COL4A2: variants seen among roughly 807,000 people sequenced by gnomAD.
COL4A2 encodes collagen type IV alpha 2 chain, also known as collagen alpha-2(IV) chain.
A neutral mutation model predicts 200.2 loss-of-function variants in COL4A2; 99 were observed. The ratio of observed to expected loss-of-function variants is 0.49; its 90% CI spans 0.42 to 0.58. The LOEUF is 0.58. Ranked by LOEUF, COL4A2 falls within the 20% of genes least tolerant of loss-of-function variation. The probability of loss-of-function intolerance (pLI) is 0.00; values close to 1 mark genes in which losing one functional copy is unlikely to be tolerated. For synonymous variants in COL4A2, 897 were observed against 900.6 expected (o/e 1.00, Z 0.07); for missense variants, 1,950 against 2,314.1 (o/e 0.84, Z 3.23).
At chr13:110,311,481 G>A (rs748968309) in intron 3 of COL4A2, among the ~76,000 whole-genome samples, 28 of 152,118 alleles carry the variant, frequency 1.8e-4, no homozygotes, top group Non-Finnish European at 2.4e-4. Flanking sequence ...GCGGACATTC[G>A]CCAAGCCTCT....
intron 3 of COL4A2, among the ~76,000 whole-genome samples, chr13:110,329,269 C>A (rs1440182837): frequency 6.6e-6 from 1 of 152,212 alleles, no homozygotes; most frequent in Non-Finnish European, 1.5e-5. Flanking sequence ...ATCACTCTTA[C>A]ATTCCCGGTA....
intron 47 of COL4A2, among the ~76,000 whole-genome samples, chr13:110,511,367 C>A (rs918919674): frequency 7.9e-5 from 12 of 151,670 alleles, no homozygotes; most frequent in African/African-American, 2.9e-4. Flanking sequence ...TGTGAAAAAT[C>A]AGCAAGTACA....
At chr13:110,389,184 G>A (rs962200716) in intron 4 of COL4A2, among the ~76,000 whole-genome samples, 4 of 152,180 alleles carry the variant, frequency 2.6e-5, no homozygotes, top group South Asian at 2.1e-4. Flanking sequence ...TGGTGGCAGC[G>A]CTGGCAGCAT....
chr13:110,487,835 C>T (rs753667044), intron 34 of COL4A2, among the ~76,000 whole-genome samples: 22 of 152,208 alleles, frequency 1.4e-4, no homozygotes, highest in Non-Finnish European at 2.6e-4. Context: ...AGAGTGCTGA[C>T]AGTGTTCTGT....
In COL4A2 at chr13:110,488,462, A is replaced by T. The variant is rs150044175; in HGVS notation, c.3208-983A>T. Among the ~76,000 whole-genome samples, 489 of 152,220 alleles carry T rather than the reference A, an allele frequency of 3.2e-3. 1 individual carries two copies. The highest frequency in any genetic ancestry group is 0.011 in the African/African-American group (449 of 41,520). The stretch of plus-strand genomic sequence containing the variant: ...GGAGGAAGCCACTCTGGAGGGGAAA[A>T]CTAGGGCTTCCAGGAAGCCACCGAG... On this transcript the variant is annotated intron_variant, in intron 34 of 47. Transcript: ENST00000360467.
At chr13:110,321,646 A>G (rs1418967576) in intron 3 of COL4A2, among the ~76,000 whole-genome samples, 2 of 152,232 alleles carry the variant, frequency 1.3e-5, no homozygotes, top group Non-Finnish European at 2.9e-5. Context: ...TGTTCATGCT[A>G]CTGATAAAGA....
At chr13:110,438,143 G>C (rs1011098519) in intron 14 of COL4A2, 106 bp downstream of exon 14, 16 of 825,700 alleles carry the variant, frequency 1.9e-5, no homozygotes, top group Non-Finnish European at 2.6e-5. Flanking sequence ...CACACCGCCA[G>C]TCTCTCATCC....
At chr13:110,353,564 A>G (rs898169934) in intron 3 of COL4A2, among the ~76,000 whole-genome samples, 1 of 152,194 alleles carries the variant, frequency 6.6e-6, no homozygotes, top group African/African-American at 2.4e-5. Context: ...TCAGAGACCC[A>G]TGTCTTCTCA....
chr13:110,499,039 G>A (rs1397735393), intron 40 of COL4A2, among the ~76,000 whole-genome samples: 3 of 152,244 alleles, frequency 2.0e-5, no homozygotes, highest in Non-Finnish European at 4.4e-5. Context: ...TGGCATATGA[G>A]GCCACTGCCT....
chr13:110,485,941 GC>G, intron 34 of COL4A2, 105 bp downstream of exon 34: 1 of 1,517,774 alleles, frequency 6.6e-7, no homozygotes, highest in Non-Finnish European at 8.8e-7. Flanking sequence ...AGTGTCAGTG[GC>G]AGGTTCAGGG....
At chr13:110,397,563 G>A (rs1879223739) in intron 4 of COL4A2, among the ~76,000 whole-genome samples, 2 of 152,190 alleles carry the variant, frequency 1.3e-5, no homozygotes, top group Non-Finnish European at 2.9e-5. Context: ...CAAGGCAGAC[G>A]TTTTTGGAGT....
chr13:110,384,318 G>A lies in COL4A2; in HGVS notation c.180+26766G>A, dbSNP rs148723474. ...CTTCTTAATTACTTAAGGGAATTTC[G>A]ACACCTTATTAAAACAGAGGAAGTC... On this transcript the variant is annotated intron_variant, in intron 4 of 47. Coordinates refer to ENST00000360467, the MANE Select transcript of COL4A2 (RefSeq NM_001846.4). Among the ~76,000 whole-genome samples, 1,253 of 152,164 alleles carry A rather than the reference G, an allele frequency of 8.2e-3. 13 individuals carry two copies. Among genetic ancestry groups the A allele is most frequent in the Middle Eastern group, 0.051 (15 of 294 alleles).
At chr13:110,321,697 A>G (rs547425958) in intron 3 of COL4A2, among the ~76,000 whole-genome samples, 1 of 152,384 alleles carries the variant, frequency 6.6e-6, no homozygotes, top group South Asian at 2.1e-4. Context: ...AAGAGGTTTA[A>G]TCAACTTACA....
chr13:110,393,904 C>T (rs1879089083), intron 4 of COL4A2, among the ~76,000 whole-genome samples: 1 of 152,090 alleles, frequency 6.6e-6, no homozygotes, highest in South Asian at 2.1e-4. Flanking sequence ...TTACATGACT[C>T]AGATACAATG....
At chr13:110,459,783 A>C (rs1197508560) in intron 22 of COL4A2, 1 of 152,208 alleles carries the variant, frequency 6.6e-6, no homozygotes, top group African/African-American at 2.4e-5. Context: ...GACATTATTT[A>C]TTTATCGAAC....
intron 4 of COL4A2, among the ~76,000 whole-genome samples, chr13:110,373,816 GTT>G (rs1262972431): frequency 1.3e-5 from 2 of 152,236 alleles, no homozygotes; most frequent in Non-Finnish European, 2.9e-5. Context: ...CCGCCTCTGT[GTT>G]TTCCTTATCC....
At chr13:110,469,714 G>A (rs1240506391) in intron 28 of COL4A2, among the ~76,000 whole-genome samples, 1 of 152,128 alleles carries the variant, frequency 6.6e-6, no homozygotes, top group African/African-American at 2.4e-5. Flanking sequence ...GGCTGCAAGA[G>A]CTTAAGGCAT....
At chr13:110,439,907 G>C in intron 16 of COL4A2, 74 bp downstream of exon 16, 1 of 1,543,144 alleles carries the variant, frequency 6.5e-7, no homozygotes, top group Non-Finnish European at 8.7e-7. Context: ...ATAGGCCTTG[G>C]CATCTCAGGA....
intron 4 of COL4A2, among the ~76,000 whole-genome samples, chr13:110,400,124 A>G (rs1033630773): frequency 1.3e-5 from 2 of 152,142 alleles, no homozygotes; most frequent in African/African-American, 4.8e-5. Context: ...GCCAGCCTAG[A>G]TAGGAAACTC....
Sources: allele counts gnomAD v4.1 joint callset (sites outside exome capture counted in the v4.1 genomes callset), GRCh38; gene constraint gnomAD v4.1.1; transcripts MANE v1.5; gene names NCBI Gene and HGNC (gene_info 2026-07-23, HGNC 2026-07-21).